BRINP3: variants seen among roughly 807,000 people sequenced by gnomAD.
BRINP3 encodes the protein BMP/retinoic acid-inducible neural-specific protein 3.
In BRINP3, 19 loss-of-function variants were observed where a neutral mutation model predicts 71.0. The observed-to-expected ratio is 0.27, with a 90% CI of 0.19 to 0.39. The LOEUF (loss-of-function observed/expected upper bound fraction) is 0.39. Ranked by LOEUF, BRINP3 falls within the 10% of genes least tolerant of loss-of-function variation. BRINP3 has a pLI of 1.00. For missense variants in BRINP3, 959 were observed against 940.8 expected, an observed-to-expected ratio of 1.02 and a Z score of -0.25; for synonymous variants, 380 against 337.7, an observed-to-expected ratio of 1.13 and a Z score of -1.37.
At chr1:190,216,251 T>G (rs1030981736) in intron 6 of BRINP3, among the ~76,000 whole-genome samples, 1 of 151,906 alleles carries the variant, frequency 6.6e-6, no homozygotes, top group Non-Finnish European at 1.5e-5. Context: ...AACAAAATTG[T>G]GATCTTTGTC....
At chr1:190,115,967 G>A (rs1270311709) in intron 7 of BRINP3, among the ~76,000 whole-genome samples, 1 of 152,092 alleles carries the variant, frequency 6.6e-6, no homozygotes, top group Non-Finnish European at 1.5e-5. Flanking sequence ...CGTTGGGAGA[G>A]TTATATTGTG....
Position 190,159,999 on chromosome 1 carries a change from A to G in BRINP3, c.1184+669T>C, listed in dbSNP as rs572077925. On this transcript the variant is annotated intron_variant, in intron 7 of 7. Coordinates refer to ENST00000367462, the MANE Select transcript of BRINP3 (RefSeq NM_199051.3). ...ATGTAAGATATACTGATACAAATATATATTTCTTGTGATAGTGTCCTATAT... is the reference window on the plus strand; with the variant it reads ...ATGTAAGATATACTGATACAAATATGTATTTCTTGTGATAGTGTCCTATAT... 4.1e-4 allele frequency among the ~76,000 whole-genome samples: 62 copies of G among 152,116 alleles called. No homozygotes were observed. The Middle Eastern group carries it at 0.01, about 25-fold the overall frequency.
rs570944815 is a variant in BRINP3 at position 190,111,827 on chromosome 1, A to G, written c.1185-12693T>C. 6.6e-4 allele frequency among the ~76,000 whole-genome samples: 100 copies of G among 152,284 alleles called. 1 individual carries two copies. The highest frequency in any genetic ancestry group is 6.2e-4 in the Non-Finnish European group (42 of 68,024). On this transcript the variant is annotated intron_variant, in intron 7 of 7. Coordinates refer to ENST00000367462, the MANE Select transcript of BRINP3 (RefSeq NM_199051.3). ...GGACCATTGGAAGCAATTTCTTCCT[A>G]TATTAGAAAGAAAAATTAAGAACCT... is the stretch of plus-strand genomic sequence containing the variant.
intron 2 of BRINP3, among the ~76,000 whole-genome samples, chr1:190,388,175 T>G (rs1387287438): frequency 2.0e-5 from 3 of 151,818 alleles, no homozygotes; most frequent in African/African-American, 7.2e-5. Context: ...CCCTTAAAAC[T>G]GAATGGAAAT....
intron 7 of BRINP3, among the ~76,000 whole-genome samples, chr1:190,120,693 C>T (rs1571755431): frequency 2.0e-5 from 3 of 149,902 alleles, no homozygotes; most frequent in Admixed American, 6.7e-5. Context: ...TTAGTAAAGA[C>T]GGAATTTCAA....
At chr1:190,262,822 C>T (rs973485827) in intron 4 of BRINP3, among the ~76,000 whole-genome samples, 8 of 151,962 alleles carry the variant, frequency 5.3e-5, no homozygotes, top group Admixed American at 2.0e-4. Flanking sequence ...ATCATTATTC[C>T]CATTTGTATT....
rs557579737 is a variant in BRINP3 at position 190,306,070 on chromosome 1, C to T, written c.237-24320G>A. ...AAAAACAATGATAACTATATTCAGC[C>T]ATAACTTTATATCAATGTTCTCATT... On this transcript the variant is annotated intron_variant, in intron 2 of 7. Coordinates refer to ENST00000367462, the MANE Select transcript of BRINP3 (RefSeq NM_199051.3). 2.6e-5 allele frequency among the ~76,000 whole-genome samples: 4 copies of T among 151,848 alleles called. No individual in the cohort carries two copies. In the East Asian group the frequency reaches 7.8e-4, roughly 29 times the overall value.
chr1:190,459,326 G>T (rs114154254), intron 1 of BRINP3, among the ~76,000 whole-genome samples: 114 of 151,646 alleles, frequency 7.5e-4, no homozygotes, highest in African/African-American at 2.7e-3. Flanking sequence ...GTCTAAATAT[G>T]ATTATTCTTT....
chr1:190,363,253 G>A lies in BRINP3; in HGVS notation c.237-81503C>T, dbSNP rs147160607. ...CAAGAAATTAAGTACTGTCTACAAT[G>A]TAAGCTTGAAAGAGGACCCTGAGAT... On this transcript the variant is annotated intron_variant, in intron 2 of 7. Coordinates refer to ENST00000367462, the MANE Select transcript of BRINP3 (RefSeq NM_199051.3). 4.1e-3 allele frequency among the ~76,000 whole-genome samples: 625 copies of A among 152,266 alleles called. 2 individuals carry two copies. Among genetic ancestry groups the A allele is most frequent in the Middle Eastern group, 0.014 (4 of 292 alleles).
At chr1:190,402,580 T>G (rs551610628) in intron 2 of BRINP3, among the ~76,000 whole-genome samples, 1 of 152,286 alleles carries the variant, frequency 6.6e-6, no homozygotes, top group Non-Finnish European at 1.5e-5. Context: ...CCTAGGTTCA[T>G]ACACTGGTGC....
chr1:190,444,037 A>G (rs905496007), intron 2 of BRINP3, among the ~76,000 whole-genome samples: 1 of 152,248 alleles, frequency 6.6e-6, no homozygotes, highest in Non-Finnish European at 1.5e-5. Context: ...GTTCGAGACC[A>G]GCCTGACCAA....
rs1664888817 is a variant in BRINP3, at chr1:190,303,680, T to A, written c.237-21930A>T. Among the ~76,000 whole-genome samples, 3 of 151,854 alleles carry A rather than the reference T, an allele frequency of 2.0e-5. No homozygotes were observed. The South Asian group carries it at 6.2e-4, about 31-fold the overall frequency. ...CTGAAAGAACTAGGTCAGTTAAAAG[T>A]CAGTAAAGCCAGAAGTCCAGATGGC... On this transcript the variant is annotated intron_variant, in intron 2 of 7. Transcript: ENST00000367462.
At chr1:190,230,713 C>A (rs1657890126) in intron 5 of BRINP3, among the ~76,000 whole-genome samples, 1 of 151,496 alleles carries the variant, frequency 6.6e-6, no homozygotes, top group Non-Finnish European at 1.5e-5. Context: ...TTAGTAATGA[C>A]CTTCTTTTTC....
intron 7 of BRINP3, among the ~76,000 whole-genome samples, chr1:190,143,813 T>A (rs1316208119): frequency 1.3e-5 from 2 of 152,170 alleles, no homozygotes; most frequent in East Asian, 3.9e-4. Flanking sequence ...AACATCCCTT[T>A]ATCAAATGCT....
intron 4 of BRINP3, among the ~76,000 whole-genome samples, chr1:190,252,030 A>G (rs1238730532): frequency 6.6e-6 from 1 of 152,086 alleles, no homozygotes; most frequent in African/African-American, 2.4e-5. Flanking sequence ...AAGATTTGTC[A>G]GATACACTAT....
At chr1:190,319,088 C>T (rs533267493) in intron 2 of BRINP3, among the ~76,000 whole-genome samples, 2 of 152,230 alleles carry the variant, frequency 1.3e-5, no homozygotes, top group Non-Finnish European at 1.5e-5. Flanking sequence ...TGCTTATTCA[C>T]CTTAATATTT....
chr1:190,374,468 A>C (rs1001983467), intron 2 of BRINP3, among the ~76,000 whole-genome samples: 8 of 152,170 alleles, frequency 5.3e-5, no homozygotes, highest in Non-Finnish European at 1.0e-4. Context: ...TCAAAAGAGA[A>C]ATTAGAAGTG....
intron 4 of BRINP3, 60 bp from the exon 5 acceptor site, chr1:190,234,537 C>T: frequency 7.7e-7 from 1 of 1,292,412 alleles, no homozygotes; most frequent in East Asian, 2.3e-5. Flanking sequence ...CCTTTTGGTT[C>T]ACTGTAGTTG....
In BRINP3 at chr1:190,455,021, A is replaced by C. The variant is rs911502924; in HGVS notation, c.-50-81T>G. On this transcript the variant is annotated intron_variant, in intron 1 of 7. Coordinates refer to ENST00000367462, the MANE Select transcript of BRINP3 (RefSeq NM_199051.3). ...TAAGGTGTTGAGGTGGCTAATTTTA[A>C]ATTTTAATCTAATATCATTGTTTTA... 9 of 613,370 alleles carry C rather than the reference A, an allele frequency of 1.5e-5. No individual in the cohort carries two copies. The South Asian group carries it at 2.2e-4, about 15-fold the overall frequency. 38.0% of individuals were successfully genotyped at this position (613,370 alleles called of 1,614,324 possible).
Sources: gnomAD v4.1 joint callset for allele counts (sites outside exome capture counted in the v4.1 genomes callset) on GRCh38, gnomAD v4.1.1 for gene constraint, MANE v1.5 for transcripts, NCBI Gene and HGNC (gene_info 2026-07-23, HGNC 2026-07-21) for gene names.